Variants in VAPA observed in about 807,000 individuals in gnomAD.
VAPA encodes vesicle-associated membrane protein-associated protein A.
In VAPA, 6 loss-of-function variants were observed where a neutral mutation model predicts 25.6. That is an observed-to-expected ratio of 0.23 (90% CI 0.13 to 0.46). The LOEUF is 0.46. Among genes scored for constraint, VAPA ranks in the 20% least tolerant of loss-of-function variants. The probability of loss-of-function intolerance (pLI) is 0.99; values close to 1 mark genes in which losing one functional copy is unlikely to be tolerated. For synonymous variants in VAPA, 112 were observed against 106.2 expected (o/e 1.05, Z -0.34); for missense variants, 244 against 302.1 (o/e 0.81, Z 1.43).
chr18:9,922,099 G>C (rs917793002), intron 1 of VAPA, among the ~76,000 whole-genome samples: 8 of 151,938 alleles, frequency 5.3e-5, no homozygotes, highest in African/African-American at 1.9e-4. Context: ...TGAGTAACTA[G>C]GACTACAGGT....
chr18:9,940,278 A>G (rs2069353685), intron 4 of VAPA, among the ~76,000 whole-genome samples: 1 of 151,762 alleles, frequency 6.6e-6, no homozygotes, highest in East Asian at 1.9e-4. Flanking sequence ...TTGGTTCTTG[A>G]GTTTGTTTGA....
chr18:9,932,525 G>A (rs951139533), intron 2 of VAPA, among the ~76,000 whole-genome samples: 1 of 152,168 alleles, frequency 6.6e-6, no homozygotes, highest in African/African-American at 2.4e-5. Context: ...ACTTACTCCT[G>A]CTGTGGAGTT....
rs2069088651 is a variant in VAPA at position 9,914,193 on chromosome 18, G to A, written c.-64G>A. On this transcript the variant is annotated 5_prime_UTR_variant, in exon 1 of 6. Coordinates refer to ENST00000400000, the MANE Select transcript of VAPA (RefSeq NM_194434.3). ...GCTCGGCCGAGCCGTCGCCGCCGTC[G>A]TCCCCCGCCCCCAGTCAGCAAACCG... 6.9e-7 allele frequency: 1 copy of A among 1,456,204 alleles called. No individual in the cohort carries two copies. Among genetic ancestry groups the A allele is most frequent in the Non-Finnish European group, 9.3e-7 (1 of 1,076,838 alleles). The allele number at this position is 1,456,204 out of a possible 1,614,324, so 90.2% of individuals were successfully genotyped here.
At chr18:9,914,535 T>G (rs1599092411) in intron 1 of VAPA, 200 bp downstream of exon 1, 10 of 281,336 alleles carry the variant, frequency 3.6e-5, no homozygotes, top group East Asian at 2.6e-4. Flanking sequence ...CTTCATCCCC[T>G]CCCGCCCGCC....
At chr18:9,946,762 T>C (rs780340906) in intron 4 of VAPA, among the ~76,000 whole-genome samples, 1 of 152,192 alleles carries the variant, frequency 6.6e-6, no homozygotes, top group African/African-American at 2.4e-5. Context: ...CACTGTAGAC[T>C]TTATAAACAC....
At chr18:9,949,501 T>C (rs2069464438) in intron 4 of VAPA, 1 of 152,232 alleles carries the variant, frequency 6.6e-6, no homozygotes, top group African/African-American at 2.4e-5. Context: ...ATAAATCTTA[T>C]AAAATGAGTA....
intron 4 of VAPA, among the ~76,000 whole-genome samples, chr18:9,945,866 A>G (rs567154481): frequency 2.0e-4 from 30 of 152,234 alleles, no homozygotes; most frequent in African/African-American, 7.0e-4. Context: ...TAACTTTGTT[A>G]CTTAAATCCT....
chr18:9,930,403 T>TGGAATTTCTCAATGGG (rs2069242004), intron 1 of VAPA, among the ~76,000 whole-genome samples: 1 of 152,168 alleles, frequency 6.6e-6, no homozygotes, highest in South Asian at 2.1e-4. Context: ...GGTTTGAGAA[T>TGGAATTTCTCAATGGG]GTTAAGAAAT....
chr18:9,916,387 G>T (rs2069112160), intron 1 of VAPA, among the ~76,000 whole-genome samples: 1 of 152,164 alleles, frequency 6.6e-6, no homozygotes. Context: ...GAGGAAAGAA[G>T]CCCTTTCTCT....
At chr18:9,945,388 TCTCGCTCTGTCACCCAGG>T (rs2069412660) in intron 4 of VAPA, among the ~76,000 whole-genome samples, 1 of 117,386 alleles carries the variant, frequency 8.5e-6, no homozygotes, top group Non-Finnish European at 1.6e-5. Flanking sequence ...TGAGATGGAG[TCTCGCTCTGTCACCCAGG>T]CTGGAGTGCA....
At chr18:9,924,801 G>T (rs764690448) in intron 1 of VAPA, 1 of 151,974 alleles carries the variant, frequency 6.6e-6, no homozygotes, top group Non-Finnish European at 1.5e-5. Context: ...GACTGGGATA[G>T]AGAGGGGAAG....
In VAPA at chr18:9,954,084, A is replaced by G. The variant is rs376587664; in HGVS notation, c.623A>G (p.His208Arg). ...GGTTTAAGGCTCAGAAAGGTAGCACATTCGGATAAACCTGGATCAACCTCA... is the reference window on the plus strand; with the variant it reads ...GGTTTAAGGCTCAGAAAGGTAGCACGTTCGGATAAACCTGGATCAACCTCA... ...DEGLRLRKVA[H>R]SDKPGSTSTA... Residue 208 changes from histidine (H) to arginine (R), a missense_variant, in exon 6 of 6, where the codon CAT becomes CGT. His to Arg is a conservative substitution (Grantham distance 29). Coordinates refer to ENST00000400000, the MANE Select transcript of VAPA (RefSeq NM_194434.3). 3.1e-6 allele frequency: 5 copies of G among 1,614,114 alleles called. No individual in the cohort carries two copies. The highest frequency in any genetic ancestry group is 1.7e-5 in the Admixed American group (1 of 60,014).
chr18:9,926,153 G>T (rs931337299), intron 1 of VAPA, among the ~76,000 whole-genome samples: 16 of 152,080 alleles, frequency 1.1e-4, no homozygotes, highest in Non-Finnish European at 2.2e-4. Flanking sequence ...CCCAATAAAC[G>T]CTAGCTGTTC....
intron 1 of VAPA, among the ~76,000 whole-genome samples, chr18:9,926,164 C>T (rs550246955): frequency 6.6e-6 from 1 of 152,148 alleles, no homozygotes; most frequent in African/African-American, 2.4e-5. Context: ...CTAGCTGTTC[C>T]GTTAGTAGAT....
At chr18:9,929,282 A>G (rs144744376) in intron 1 of VAPA, among the ~76,000 whole-genome samples, 52 of 152,234 alleles carry the variant, frequency 3.4e-4, no homozygotes, top group African/African-American at 1.2e-3. Flanking sequence ...CAGAATGTCT[A>G]CCGTCCTGTT....
intron 4 of VAPA, among the ~76,000 whole-genome samples, chr18:9,947,422 G>C (rs1021170498): frequency 6.6e-6 from 1 of 152,134 alleles, no homozygotes; most frequent in Non-Finnish European, 1.5e-5. Flanking sequence ...TATTGTATGG[G>C]AACACTATCA....
chr18:9,950,755 A>C, intron 5 of VAPA, 187 bp downstream of exon 5: 1 of 576,068 alleles, frequency 1.7e-6, no homozygotes, highest in Non-Finnish European at 3.0e-6. Flanking sequence ...CATTGCTGCA[A>C]GTTCCTTACT....
chr18:9,936,867 A>C, intron 3 of VAPA, 119 bp from the exon 4 acceptor site: 1 of 722,272 alleles, frequency 1.4e-6, no homozygotes, highest in Non-Finnish European at 2.4e-6. Flanking sequence ...TAAAGAGTGC[A>C]CCAGTGTGTT....
At chr18:9,929,610 A>G (rs1277318263) in intron 1 of VAPA, among the ~76,000 whole-genome samples, 2 of 152,170 alleles carry the variant, frequency 1.3e-5, no homozygotes, top group Non-Finnish European at 2.9e-5. Flanking sequence ...GTGACTCACA[A>G]AAGTGGACCA....
Sources: gnomAD v4.1 joint callset for allele counts (sites outside exome capture counted in the v4.1 genomes callset) on GRCh38, gnomAD v4.1.1 for gene constraint, MANE v1.5 for transcripts, NCBI Gene and HGNC (gene_info 2026-07-23, HGNC 2026-07-21) for gene names.